The following ZSCAN20 variants were observed in gnomAD, a reference collection of about 807,000 sequenced individuals.
ZSCAN20 encodes the protein zinc finger and SCAN domain-containing protein 20.
In ZSCAN20, 39 loss-of-function variants were observed where a neutral mutation model predicts 97.1. That is an observed-to-expected ratio of 0.40 (90% CI 0.31 to 0.52). The LOEUF (loss-of-function observed/expected upper bound fraction) is 0.52, where lower values mean the gene tolerates loss of function less well. ZSCAN20 is among the 20% of genes least tolerant of loss of function. The probability of loss-of-function intolerance (pLI) is 0.49; values close to 1 mark genes in which losing one functional copy is unlikely to be tolerated. For synonymous variants in ZSCAN20, 456 were observed against 467.3 expected, an observed-to-expected ratio of 0.98 and a Z score of 0.31; for missense variants, 1,115 against 1,290.4, an observed-to-expected ratio of 0.86 and a Z score of 2.08.
At chr1:33,486,520 A>G (rs1652372927) in intron 2 of ZSCAN20, among the ~76,000 whole-genome samples, 1 of 152,206 alleles carries the variant, frequency 6.6e-6, no homozygotes. Context: ...TTGTTACTGT[A>G]GAGTCTAGAG....
In ZSCAN20 at chr1:33,491,144, C is replaced by G; in HGVS notation, c.886C>G (p.Pro296Ala). The change falls in exon 6 of 8, where the codon CCA becomes GCA. Residue 296 changes from proline to alanine, a missense_variant. Transcript: ENST00000684572. This position sits in a 1 kb window ranked among gnomAD's most constrained non-coding sequence, Gnocchi z 4.3. The part of the protein sequence containing the change: ...STADYSLDNE[P>A]AQALTWRDSR... ...TGCAGATTACAGCCTGGATAATGAG[C>G]CAGCTCAGGCATTGACCTGGAGGGA... The G allele has an allele frequency of 6.2e-7, 1 of 1,613,956 alleles. No individual in the cohort carries two copies. Among genetic ancestry groups the G allele is most frequent in the Non-Finnish European group, 8.5e-7 (1 of 1,180,020 alleles).
rs377761336 is a variant in ZSCAN20 at position 33,491,463 on chromosome 1, A to T, written c.1205A>T (p.Tyr402Phe). 6 of 1,614,052 alleles carry T rather than the reference A, an allele frequency of 3.7e-6. No homozygotes were observed. The African/African-American group carries it at 8.0e-5, about 22-fold the overall frequency. ...CACCCACCAGGTACCTGCCCCTTCTATGAGGAGCTGGAGGCCCTGGTCAGG... is the reference window on the plus strand; with the variant it reads ...CACCCACCAGGTACCTGCCCCTTCTTTGAGGAGCTGGAGGCCCTGGTCAGG... ...SSHPPGTCPFYEELEALVRAR... is the reference protein window; with the variant it reads ...SSHPPGTCPFFEELEALVRAR... The change falls in exon 6 of 8, where the codon TAT (tyrosine) becomes TTT (phenylalanine). Residue 402 changes from tyrosine (Y) to phenylalanine (F), a missense_variant. Transcript: ENST00000684572. The surrounding 1 kb of genome is among the most constrained non-coding windows in gnomAD (Gnocchi z 4.3).
At position 33,494,418 on chromosome 1, in the gene ZSCAN20, G is replaced by C. The variant is rs1159151222; in HGVS notation, c.2074G>C (p.Glu692Gln). ...ACAGTGGCAAGAAAGTTCTTCTGAA[G>C]AGGACTTAGAAAAACTTATTGACCA... ...QEQWQESSSE[E>Q]DLEKLIDHQG... The change falls in exon 8 of 8, where the codon GAG (glutamate) becomes CAG (glutamine). Residue 692 changes from glutamate (E) to glutamine (Q), a missense_variant. Glu to Gln is a conservative substitution (Grantham distance 29, BLOSUM62 2). This residue lies in a region of ZSCAN20 where 554 missense variants were observed against 584.9 expected (regional missense o/e 0.95). Coordinates refer to ENST00000684572, the MANE Select transcript of ZSCAN20 (RefSeq NM_001377376.1). The C allele has an allele frequency of 6.2e-7, 1 of 1,613,604 alleles. No homozygotes were observed. The highest frequency in any genetic ancestry group is 8.5e-7 in the Non-Finnish European group (1 of 1,179,822).
chr1:33,474,564 C>T (rs991483040), intron 1 of ZSCAN20, among the ~76,000 whole-genome samples: 3 of 152,226 alleles, frequency 2.0e-5, no homozygotes, highest in Non-Finnish European at 4.4e-5. Context: ...ACCTGGGAGG[C>T]TCTGTACTCT....
chr1:33,491,353 G>A lies in ZSCAN20; in HGVS notation c.1095G>A (p.Arg365=). ...ATCGGGCCATTGCAGAGCAGCTAAG[G>A]GCAAGGGGCTTCCTGCGGACACTGG... ...QVYRAIAEQL[R]ARGFLRTLEQ... Residue 365 remains arginine, a synonymous_variant, in exon 6 of 8, where the codon AGG becomes AGA. Coordinates refer to ENST00000684572, the MANE Select transcript of ZSCAN20 (RefSeq NM_001377376.1). The surrounding 1 kb of genome is among the most constrained non-coding windows in gnomAD (Gnocchi z 4.3). The A allele has an allele frequency of 6.2e-7, 1 of 1,614,160 alleles. No individual in the cohort carries two copies. Among genetic ancestry groups the A allele is most frequent in the South Asian group, 1.1e-5 (1 of 91,080 alleles).
Position 33,479,326 on chromosome 1 carries a change from C to T in ZSCAN20, c.38C>T (p.Pro13Leu), listed in dbSNP as rs200410104. 8.0e-5 allele frequency: 129 copies of T among 1,612,834 alleles called. No individual in the cohort carries two copies. Among genetic ancestry groups the T allele is most frequent in the Non-Finnish European group, 9.5e-5 (112 of 1,179,336 alleles). Residue 13 changes from proline (P) to leucine (L), a missense_variant, in exon 2 of 8, where the codon CCG becomes CTG. Coordinates refer to ENST00000684572, the MANE Select transcript of ZSCAN20 (RefSeq NM_001377376.1). ...MALELQAQAS[P>L]QPEPEELLIV... The stretch of plus-strand genomic sequence containing the variant: ...CTGGAATTGCAAGCCCAGGCATCTC[C>T]GCAGCCAGAGCCTGAAGAACTCCTG...
chr1:33,493,140 G>T lies in ZSCAN20; in HGVS notation c.1445-47G>T, dbSNP rs915653477. 2 of 1,578,030 alleles carry T rather than the reference G, an allele frequency of 1.3e-6. No homozygotes were observed. The highest frequency in any genetic ancestry group is 2.3e-5 in the East Asian group (1 of 44,432). ...GTGACTTTATTCTCTGATGACCTAG[G>T]CACATCTCATTAAGTCTCACAGTTC... On this transcript the variant is annotated intron_variant, in intron 6 of 7. Coordinates refer to ENST00000684572, the MANE Select transcript of ZSCAN20 (RefSeq NM_001377376.1). The surrounding 1 kb of genome is among the most constrained non-coding windows in gnomAD (Gnocchi z 4.3).
At position 33,498,502 on chromosome 1, in the gene ZSCAN20, C is replaced by T. The variant is rs1055942553; in HGVS notation, c.*3026C>T. Among the ~76,000 whole-genome samples the T allele has an allele frequency of 6.6e-6, 1 of 152,190 alleles. No homozygotes were observed. Among genetic ancestry groups the T allele is most frequent in the Non-Finnish European group, 1.5e-5 (1 of 68,028 alleles). On this transcript the variant is annotated 3_prime_UTR_variant, in exon 8 of 8. Transcript: ENST00000684572. Reference sequence around the variant, plus strand: ...CAGTGTTCCAGGCTTGCTGTCTACCCAAGAGCTTGCTGGGCACCCAGGCGC... The same window carrying T: ...CAGTGTTCCAGGCTTGCTGTCTACCTAAGAGCTTGCTGGGCACCCAGGCGC...
chr1:33,479,771 T>G, intron 2 of ZSCAN20, 66 bp downstream of exon 2: 2 of 1,391,572 alleles, frequency 1.4e-6, no homozygotes, highest in South Asian at 1.6e-5. Context: ...GTGACTACGT[T>G]AATAATTGCC....
intron 2 of ZSCAN20, among the ~76,000 whole-genome samples, chr1:33,488,035 A>G (rs1197908821): frequency 1.3e-5 from 2 of 152,066 alleles, no homozygotes; most frequent in African/African-American, 4.8e-5. Flanking sequence ...GAGCAATTGC[A>G]TTTGGGGTTA....
At position 33,496,516 on chromosome 1, in the gene ZSCAN20, A is replaced by G. The variant is rs1008790812; in HGVS notation, c.*1040A>G. 4.6e-5 allele frequency: 7 copies of G among 152,166 alleles called. No homozygotes were observed. The highest frequency in any genetic ancestry group is 1.7e-4 in the African/African-American group (7 of 41,436). The allele number at this position is 152,166 out of a possible 1,614,324, so 9.4% of individuals were successfully genotyped here. ...TGAGATTGGGAAAAATATGCGGCCT[A>G]AGTAATTTTTCTTCCAATAAGATAC... On this transcript the variant is annotated 3_prime_UTR_variant, in exon 8 of 8. Transcript: ENST00000684572.
Position 33,495,706 on chromosome 1 carries a change from CT to C in ZSCAN20, c.*231del. On this transcript the variant is annotated 3_prime_UTR_variant, in exon 8 of 8. Coordinates refer to ENST00000684572, the MANE Select transcript of ZSCAN20 (RefSeq NM_001377376.1). Reference sequence around the variant, plus strand: ...TGTAAAGACCCACACAGAATCCTGACTGTCCTTGTATTTGCTATCATGTAAG... The same window carrying C: ...TGTAAAGACCCACACAGAATCCTGACGTCCTTGTATTTGCTATCATGTAAG... The C allele has an allele frequency of 2.7e-6, 1 of 371,510 alleles. No individual in the cohort carries two copies. Among genetic ancestry groups the C allele is most frequent in the Non-Finnish European group, 4.8e-6 (1 of 208,452 alleles). 23.0% of individuals were successfully genotyped at this position (371,510 alleles called of 1,614,324 possible). A position where few individuals can be genotyped will look rare whatever the true frequency, so the allele number is the denominator to read the frequency against.
Position 33,493,646 on chromosome 1 carries a change from A to T in ZSCAN20, c.1873+31A>T. On this transcript the variant is annotated intron_variant, in intron 7 of 7. Transcript: ENST00000684572. This position sits in a 1 kb window ranked among gnomAD's most constrained non-coding sequence, Gnocchi z 4.3. Reference sequence around the variant, plus strand: ...CCTGGAGTAATTGGATGTTCTCAAAATCTGTGGGCATGTGGAGAGAATGAG... The same window carrying T: ...CCTGGAGTAATTGGATGTTCTCAAATTCTGTGGGCATGTGGAGAGAATGAG... 1 of 1,517,924 alleles carries T rather than the reference A, an allele frequency of 6.6e-7. No homozygotes were observed. The highest frequency in any genetic ancestry group is 8.8e-7 in the Non-Finnish European group (1 of 1,134,800). The allele number at this position is 1,517,924 out of a possible 1,614,324, so 94.0% of individuals were successfully genotyped here.
rs1178798901 is a variant in ZSCAN20 at position 33,499,516 on chromosome 1, T to C, written c.*4040T>C. 6.6e-6 allele frequency among the ~76,000 whole-genome samples: 1 copy of C among 152,124 alleles called. No homozygotes were observed. Among genetic ancestry groups the C allele is most frequent in the Non-Finnish European group, 1.5e-5 (1 of 68,002 alleles). On this transcript the variant is annotated 3_prime_UTR_variant, in exon 8 of 8. Transcript: ENST00000684572. ...CCCCGGTGTCTACCATCACCCATCATGGGGCTCTTGGCCTGCCCATTCAGC... is the reference window on the plus strand; with the variant it reads ...CCCCGGTGTCTACCATCACCCATCACGGGGCTCTTGGCCTGCCCATTCAGC...
In ZSCAN20 at chr1:33,496,987, C is replaced by A. The variant is rs998715267; in HGVS notation, c.*1511C>A. On this transcript the variant is annotated 3_prime_UTR_variant, in exon 8 of 8. Transcript: ENST00000684572. ...GTTTAAAACTGTTGACCAAGGACTT[C>A]GGTTTCCATAGGACTTTAAAGGAAA... 6.6e-6 allele frequency among the ~76,000 whole-genome samples: 1 copy of A among 152,174 alleles called. No individual in the cohort carries two copies. The highest frequency in any genetic ancestry group is 1.5e-5 in the Non-Finnish European group (1 of 68,034).
At position 33,489,209 on chromosome 1, in the gene ZSCAN20, C is replaced by T. The variant is rs1447400963; in HGVS notation, c.681+18C>T. On this transcript the variant is annotated intron_variant, in intron 4 of 7. Coordinates refer to ENST00000684572, the MANE Select transcript of ZSCAN20 (RefSeq NM_001377376.1). ...AGTCCCAGGTAAGCTGTTACTCGTT[C>T]TTCCTTTCCTGTCATTGCTGCTCCT... The T allele has an allele frequency of 6.2e-7, 1 of 1,610,644 alleles. No homozygotes were observed. Among genetic ancestry groups the T allele is most frequent in the Non-Finnish European group, 8.5e-7 (1 of 1,177,544 alleles).
At position 33,494,450 on chromosome 1, in the gene ZSCAN20, C is replaced by T. The variant is rs1433684822; in HGVS notation, c.2106C>T (p.Gly702=). The change falls in exon 8 of 8, where the codon GGC becomes GGT. Residue 702 remains glycine (G), a synonymous_variant. Transcript: ENST00000684572. The part of the protein sequence containing the change: ...EDLEKLIDHQ[G]LYLAEKPYKC... ...TAGAAAAACTTATTGACCATCAAGG[C>T]CTGTACCTTGCAGAGAAACCCTACA... The T allele has an allele frequency of 1.2e-6, 2 of 1,614,112 alleles. No homozygotes were observed. Among genetic ancestry groups the T allele is most frequent in the South Asian group, 2.2e-5 (2 of 91,070 alleles).
chr1:33,490,886 C>G, intron 5 of ZSCAN20, 139 bp from the exon 6 acceptor site: 1 of 733,976 alleles, frequency 1.4e-6, no homozygotes, highest in Non-Finnish European at 2.2e-6. Context: ...CTCCCTATTC[C>G]TGTAAACATT....
At position 33,498,936 on chromosome 1, in the gene ZSCAN20, G is replaced by GT. The variant is rs1290895972; in HGVS notation, c.*3466dup. On this transcript the variant is annotated 3_prime_UTR_variant, in exon 8 of 8. Coordinates refer to ENST00000684572, the MANE Select transcript of ZSCAN20 (RefSeq NM_001377376.1). ...GGGCCAAGACTTTTTCAGATACTCGGTTTTTTCTAAGGCCTTGACCTCAGC... is the reference window on the plus strand; with the variant it reads ...GGGCCAAGACTTTTTCAGATACTCGGTTTTTTTCTAAGGCCTTGACCTCAGC... Among the ~76,000 whole-genome samples, 2 of 152,196 alleles carry GT rather than the reference G, an allele frequency of 1.3e-5. No homozygotes were observed. Among genetic ancestry groups the GT allele is most frequent in the East Asian group, 1.9e-4 (1 of 5,202 alleles).
Sources: gnomAD v4.1 joint callset for allele counts (sites outside exome capture counted in the v4.1 genomes callset) on GRCh38, gnomAD v4.1.1 for gene constraint, gnomAD v4.1.1 regional missense constraint, Gnocchi (gnomAD v3.1) non-coding constraint, MANE v1.5 for transcripts, NCBI Gene and HGNC (gene_info 2026-07-23, HGNC 2026-07-21) for gene names.